The following PHLPP1 variants were observed in gnomAD, a reference collection of about 807,000 sequenced individuals.
PHLPP1 encodes the protein PH domain and leucine rich repeat protein phosphatase 1, also known as PH domain leucine-rich repeat-containing protein phosphatase 1.
A neutral mutation model predicts 117.2 loss-of-function variants in PHLPP1; 42 were observed. The observed-to-expected ratio is 0.36, with a 90% CI of 0.28 to 0.46. The LOEUF (loss-of-function observed/expected upper bound fraction) is 0.46, where lower values mean the gene tolerates loss of function less well. Ranked by LOEUF, PHLPP1 falls within the 20% of genes least tolerant of loss-of-function variation. The probability of loss-of-function intolerance (pLI) is 1.00; values close to 1 mark genes in which losing one functional copy is unlikely to be tolerated. For missense variants in PHLPP1, 2,084 were observed against 2,241.9 expected (o/e 0.93, Z 1.42); for synonymous variants, 1,042 against 970.7 (o/e 1.07, Z -1.37).
intron 4 of PHLPP1, among the ~76,000 whole-genome samples, chr18:62,875,833 A>G (rs1327357376): frequency 4.6e-5 from 7 of 151,858 alleles, no homozygotes; most frequent in African/African-American, 1.5e-4. Context: ...CCTGCGTTCA[A>G]GTGATTCTCC....
intron 1 of PHLPP1, among the ~76,000 whole-genome samples, chr18:62,742,666 C>T (rs928714866): frequency 1.2e-4 from 19 of 152,310 alleles, no homozygotes; most frequent in Admixed American, 1.0e-3. Flanking sequence ...GAATTCCTGA[C>T]CTTGTGATCC....
At chr18:62,866,583 C>G (rs7234377) in intron 4 of PHLPP1, among the ~76,000 whole-genome samples, 7 of 151,960 alleles carry the variant, frequency 4.6e-5, no homozygotes, top group Admixed American at 3.3e-4. Context: ...TAGTTAATGC[C>G]GATGAATGTT....
chr18:62,862,261 A>G (rs1915652222), intron 4 of PHLPP1, among the ~76,000 whole-genome samples: 1 of 151,780 alleles, frequency 6.6e-6, no homozygotes, highest in East Asian at 1.9e-4. Context: ...TTGTATTTTT[A>G]GTAGAGATGG....
chr18:62,962,117 A>G lies in PHLPP1; in HGVS notation c.3456-1251A>G, dbSNP rs559571814. On this transcript the variant is annotated intron_variant, in intron 13 of 16. Coordinates refer to ENST00000262719, the MANE Select transcript of PHLPP1 (RefSeq NM_194449.4). ...TACATATACTTTTTCCCTTGTTTAA[A>G]TAATAATGAGGGGGAAACTTAGTGG... is the stretch of plus-strand genomic sequence containing the variant. Among the ~76,000 whole-genome samples, 26 of 152,312 alleles carry G rather than the reference A, an allele frequency of 1.7e-4. No individual in the cohort carries two copies. The South Asian group carries it at 5.2e-3, about 30-fold the overall frequency.
At chr18:62,785,075 G>T (rs776597635) in intron 1 of PHLPP1, among the ~76,000 whole-genome samples, 37 of 152,246 alleles carry the variant, frequency 2.4e-4, no homozygotes, top group Admixed American at 1.2e-3. Flanking sequence ...AATTTTAAAG[G>T]ACTGTAATTG....
intron 1 of PHLPP1, among the ~76,000 whole-genome samples, chr18:62,756,685 G>A (rs1289418286): frequency 6.6e-6 from 1 of 152,166 alleles, no homozygotes; most frequent in African/African-American, 2.4e-5. Context: ...AGGAAGAAAC[G>A]GATACTTTTT....
rs1023381727 is a variant in PHLPP1, at chr18:62,716,429, G to C, written c.746G>C (p.Gly249Ala). Residue 249 changes from glycine (G) to alanine (A), a missense_variant, in exon 1 of 17, where the codon GGC (glycine) becomes GCC (alanine). Gly to Ala is a moderately conservative substitution (Grantham distance 60). Coordinates refer to ENST00000262719, the MANE Select transcript of PHLPP1 (RefSeq NM_194449.4). The surrounding 1 kb of genome is among the most constrained non-coding windows in gnomAD (Gnocchi z 5.7). ...GGCGGCGGCGTGGTGAAGGTGCTGG[G>C]CCAGGGGCCCGGAGCCGCCGCCGCC... ...HKGGGVVKVL[G>A]QGPGAAAARE... 7.2e-7 allele frequency: 1 copy of C among 1,386,688 alleles called. No individual in the cohort carries two copies. The highest frequency in any genetic ancestry group is 1.5e-5 in the African/African-American group (1 of 66,350). 85.9% of individuals were successfully genotyped at this position (1,386,688 alleles called of 1,614,324 possible). A position where few individuals can be genotyped will look rare whatever the true frequency, so the allele number is the denominator to read the frequency against.
chr18:62,844,317 C>T (rs1430694955), intron 3 of PHLPP1, among the ~76,000 whole-genome samples: 1 of 151,760 alleles, frequency 6.6e-6, no homozygotes, highest in Admixed American at 6.6e-5. Context: ...CCAGCCTGGG[C>T]GACAGAGCAA....
chr18:62,976,189 T>C (rs1047159280), intron 16 of PHLPP1, among the ~76,000 whole-genome samples: 1 of 152,200 alleles, frequency 6.6e-6, no homozygotes, highest in African/African-American at 2.4e-5. Flanking sequence ...TGGCAACATA[T>C]GGAGACATTT....
intron 3 of PHLPP1, among the ~76,000 whole-genome samples, chr18:62,858,498 A>G (rs966747249): frequency 2.0e-5 from 3 of 152,106 alleles, no homozygotes; most frequent in African/African-American, 7.2e-5. Context: ...TCTGACCTCA[A>G]ATGATCCACC....
chr18:62,747,328 A>G (rs569407230), intron 1 of PHLPP1, among the ~76,000 whole-genome samples: 112 of 128,380 alleles, frequency 8.7e-4, no homozygotes, highest in African/African-American at 3.3e-3. Context: ...TCTTTTGCCC[A>G]GGTTGGATTG....
At position 62,716,500 on chromosome 18, in the gene PHLPP1, C is replaced by A; in HGVS notation, c.817C>A (p.Pro273Thr). Residue 273 changes from proline to threonine, a missense_variant, in exon 1 of 17, where the codon CCC becomes ACC. Coordinates refer to ENST00000262719, the MANE Select transcript of PHLPP1 (RefSeq NM_194449.4). The surrounding 1 kb of genome is among the most constrained non-coding windows in gnomAD (Gnocchi z 5.7). Reference protein sequence around the residue: ...PPPEAGPRLAPPEPRDSEVPP... With the variant: ...PPPEAGPRLATPEPRDSEVPP... ...CCCCGAGGCCGGCCCCCGGCTGGCGCCCCCGGAGCCGCGGGACTCGGAGGT... is the reference window on the plus strand; with the variant it reads ...CCCCGAGGCCGGCCCCCGGCTGGCGACCCCGGAGCCGCGGGACTCGGAGGT... The A allele has an allele frequency of 2.5e-6, 3 of 1,202,800 alleles. No homozygotes were observed. Among genetic ancestry groups the A allele is most frequent in the Admixed American group, 4.5e-5 (1 of 22,438 alleles). The allele number at this position is 1,202,800 out of a possible 1,614,324, so 74.5% of individuals were successfully genotyped here.
intron 4 of PHLPP1, among the ~76,000 whole-genome samples, chr18:62,875,444 T>G (rs1240750060): frequency 6.6e-6 from 1 of 152,172 alleles, no homozygotes; most frequent in Non-Finnish European, 1.5e-5. Context: ...GTAAAGATAC[T>G]GTGACTCATG....
chr18:62,893,312 T>C (rs1293345881), intron 4 of PHLPP1, among the ~76,000 whole-genome samples: 2 of 152,216 alleles, frequency 1.3e-5, no homozygotes, highest in Non-Finnish European at 1.5e-5. Flanking sequence ...CCCAAAGTGC[T>C]GGGATTACAG....
intron 4 of PHLPP1, among the ~76,000 whole-genome samples, chr18:62,860,934 A>G (rs1056849466): frequency 6.6e-6 from 1 of 152,220 alleles, no homozygotes; most frequent in African/African-American, 2.4e-5. Flanking sequence ...TCTGAACTTC[A>G]GGTGTTTGTT....
In PHLPP1 at chr18:62,978,994, C is replaced by T. The variant is rs915094142; in HGVS notation, c.4717C>T (p.Arg1573Trp). 7 of 1,612,750 alleles carry T rather than the reference C, an allele frequency of 4.3e-6. No individual in the cohort carries two copies. Among genetic ancestry groups the T allele is most frequent in the East Asian group, 2.2e-5 (1 of 44,824 alleles). ...VEVEVDIHCSRAKEKEKQQHL... is the reference protein window; with the variant it reads ...VEVEVDIHCSWAKEKEKQQHL... ...GGTGGAGGTGGACATCCACTGCAGCCGGGCCAAGGAGAAGGAGAAACAGCA... is the reference window on the plus strand; with the variant it reads ...GGTGGAGGTGGACATCCACTGCAGCTGGGCCAAGGAGAAGGAGAAACAGCA... The change falls in exon 17 of 17, where the codon CGG (arginine) becomes TGG (tryptophan). Residue 1573 changes from arginine (R) to tryptophan (W), a missense_variant. Coordinates refer to ENST00000262719, the MANE Select transcript of PHLPP1 (RefSeq NM_194449.4). The surrounding 1 kb of genome is among the most constrained non-coding windows in gnomAD (Gnocchi z 7.0).
chr18:62,839,028 T>TA, intron 3 of PHLPP1, 119 bp downstream of exon 3: 1 of 1,035,592 alleles, frequency 9.7e-7, no homozygotes, highest in East Asian at 2.4e-5. Flanking sequence ...CCTCCCCAGA[T>TA]ACTGCCAGTG....
chr18:62,822,917 G>T (rs890421084), intron 1 of PHLPP1, among the ~76,000 whole-genome samples: 2 of 152,056 alleles, frequency 1.3e-5, no homozygotes, highest in African/African-American at 4.8e-5. Flanking sequence ...TTTCACCAGT[G>T]GTCTTAGAAC....
At chr18:62,888,642 G>T (rs1037983110) in intron 4 of PHLPP1, among the ~76,000 whole-genome samples, 1 of 152,146 alleles carries the variant, frequency 6.6e-6, no homozygotes, top group African/African-American at 2.4e-5. Context: ...AGACTGCAGT[G>T]AGCCGTTATC....
Sources: gnomAD v4.1 joint callset for allele counts (sites outside exome capture counted in the v4.1 genomes callset) on GRCh38, gnomAD v4.1.1 for gene constraint, Gnocchi (gnomAD v3.1) non-coding constraint, MANE v1.5 for transcripts, NCBI Gene and HGNC (gene_info 2026-07-23, HGNC 2026-07-21) for gene names.